RAB33A: variants seen among roughly 807,000 people sequenced by gnomAD.
RAB33A encodes the protein ras-related protein Rab-33A.
In RAB33A, 6 loss-of-function variants were observed where a neutral mutation model predicts 12.0. The observed-to-expected ratio is 0.50, with a 90% CI of 0.27 to 0.99. The LOEUF (loss-of-function observed/expected upper bound fraction) is 0.99, where lower values mean the gene tolerates loss of function less well. Ranked by LOEUF, RAB33A falls within the 50% of genes least tolerant of loss-of-function variation. The pLI, the probability that RAB33A is intolerant of heterozygous loss-of-function variation, is 0.11. For missense variants in RAB33A, 109 were observed against 192.0 expected, an observed-to-expected ratio of 0.57 and a Z score of 2.55; for synonymous variants, 70 against 82.4, an observed-to-expected ratio of 0.85 and a Z score of 0.81.
the RAB33A span, among the ~76,000 whole-genome samples, chrX:130,151,089 A>G: frequency 1.6e-4 from 18 of 109,690 alleles, no homozygotes; most frequent in African/African-American, 5.6e-4. Context: ...GAAATCTCAG[A>G]TTAATTGTAG....
chrX:130,184,743 C>A lies in RAB33A; in HGVS notation c.*3C>A, dbSNP rs749729915. 8.3e-7 allele frequency: 1 copy of A among 1,200,019 alleles called. No individual in the cohort carries two copies. Among genetic ancestry groups the A allele is most frequent in the African/African-American group, 1.8e-5 (1 of 57,004 alleles). Reference sequence around the variant, plus strand: ...GTAAAACTTCCTGTCCTTGTTGAAACCAAACGATATAAATACAAGATAAAT... The same window carrying A: ...GTAAAACTTCCTGTCCTTGTTGAAAACAAACGATATAAATACAAGATAAAT... On this transcript the variant is annotated 3_prime_UTR_variant, in exon 2 of 2. Transcript: ENST00000257017.
chrX:130,145,746 T>G, the RAB33A span, among the ~76,000 whole-genome samples: 1 of 112,100 alleles, frequency 8.9e-6, no homozygotes, highest in Non-Finnish European at 1.9e-5. Flanking sequence ...TCCAGATCAG[T>G]GGTTCTCAAC....
At chrX:130,175,061 C>T (rs1004181530) in intron 1 of RAB33A, among the ~76,000 whole-genome samples, 2 of 111,707 alleles carry the variant, frequency 1.8e-5, no homozygotes, top group African/African-American at 6.5e-5. Flanking sequence ...AGGCACTTTA[C>T]ATGCATTATC....
At chrX:130,114,900 C>T in the RAB33A span, among the ~76,000 whole-genome samples, 1 of 111,911 alleles carries the variant, frequency 8.9e-6, no homozygotes, top group Non-Finnish European at 1.9e-5. Context: ...CTCCTGGGCT[C>T]AAGCGATCCT....
chrX:130,115,940 T>C, the RAB33A span, among the ~76,000 whole-genome samples: 1 of 110,704 alleles, frequency 9.0e-6, no homozygotes. Context: ...AGGCCATGGG[T>C]ATCCAAGTGG....
At chrX:130,170,131 G>A (rs1437720333), upstream of RAB33A, among the ~76,000 whole-genome samples, 1 of 112,383 alleles carries the variant, frequency 8.9e-6, no homozygotes, top group East Asian at 2.8e-4. Flanking sequence ...AGAAATGGGC[G>A]ACCCACATAT....
At chrX:130,146,456 TG>T in the RAB33A span, among the ~76,000 whole-genome samples, 1 of 65,170 alleles carries the variant, frequency 1.5e-5, no homozygotes, top group Non-Finnish European at 2.5e-5. Flanking sequence ...AAAATATGTG[TG>T]TGTGTGTGTG....
chrX:130,147,877 C>A, the RAB33A span: 1 of 1,211,485 alleles, frequency 8.3e-7, no homozygotes, highest in Middle Eastern at 2.3e-4. Flanking sequence ...CCTTCTGAAG[C>A]TGAAAGCAAC....
the RAB33A span, among the ~76,000 whole-genome samples, chrX:130,124,669 G>A: frequency 8.9e-6 from 1 of 112,521 alleles, no homozygotes; most frequent in Non-Finnish European, 1.9e-5. Context: ...CCAGGAACAC[G>A]GTCAAACAAG....
the RAB33A span, among the ~76,000 whole-genome samples, chrX:130,117,336 G>C: frequency 8.9e-6 from 1 of 112,834 alleles, no homozygotes; most frequent in African/African-American, 3.2e-5. Context: ...CAGCTCAGGA[G>C]GGCTGGCTGC....
At chrX:130,115,072 G>A in the RAB33A span, among the ~76,000 whole-genome samples, 105 of 111,124 alleles carry the variant, frequency 9.4e-4, no homozygotes, top group African/African-American at 3.0e-3. Context: ...CCAAAGTGTC[G>A]GGATTACAAA....
At chrX:130,161,676 C>T in the RAB33A span, among the ~76,000 whole-genome samples, 3 of 100,122 alleles carry the variant, frequency 3.0e-5, no homozygotes, top group Non-Finnish European at 6.0e-5. Context: ...GGTGTGATCT[C>T]GGTTCACCGC....
the RAB33A span, among the ~76,000 whole-genome samples, chrX:130,123,807 T>TGTGTA: frequency 9.2e-6 from 1 of 108,791 alleles, no homozygotes; most frequent in Non-Finnish European, 1.9e-5. Flanking sequence ...AAGAGGAAGA[T>TGTGTA]GTGTAATCTC....
the RAB33A span, chrX:130,165,706 G>A: frequency 7.6e-6 from 8 of 1,049,604 alleles, no homozygotes; most frequent in East Asian, 3.3e-5. Context: ...TCTCACGCAC[G>A]ACCGACGGGT....
the RAB33A span, chrX:130,138,466 A>T: frequency 1.1e-5 from 6 of 548,983 alleles, no homozygotes; most frequent in East Asian, 3.6e-5. Context: ...CTCCATCTCA[A>T]AAAAAAATAA....
Position 130,175,492 on chromosome X carries a change from C to CTTTT in RAB33A, c.258+3190_258+3193dup, listed in dbSNP as rs5903795. Among the ~76,000 whole-genome samples, 5 of 75,563 alleles carry CTTTT rather than the reference C, an allele frequency of 6.6e-5. No individual in the cohort carries two copies. The South Asian group carries it at 2.0e-3, about 31-fold the overall frequency. 65.6% of individuals were successfully genotyped at this position (75,563 alleles called of 115,157 possible). The stretch of plus-strand genomic sequence containing the variant: ...GACACACAGAACTCAACTGGGTTTA[C>CTTTT]TTTTTTTTTTTTTTTTTTTTTGAGA... On this transcript the variant is annotated intron_variant, in intron 1 of 1. Coordinates refer to ENST00000257017, the MANE Select transcript of RAB33A (RefSeq NM_004794.3).
At chrX:130,149,004 C>T in the RAB33A span, among the ~76,000 whole-genome samples, 2 of 103,035 alleles carry the variant, frequency 1.9e-5, no homozygotes, top group East Asian at 3.1e-4. Flanking sequence ...TCACTGCAAC[C>T]TCCGCCACTT....
the RAB33A span, chrX:130,129,218 A>G: frequency 3.2e-3 from 906 of 283,781 alleles, 5 homozygotes; most frequent in South Asian, 0.019. Flanking sequence ...AAGTTCGGAA[A>G]TGAAAGGAGT....
the RAB33A span, among the ~76,000 whole-genome samples, chrX:130,160,921 G>GA: frequency 9.4e-6 from 1 of 106,059 alleles, no homozygotes; most frequent in Non-Finnish European, 1.9e-5. Flanking sequence ...TAAATAAAAT[G>GA]AAAAAATAAA....
Sources: allele counts gnomAD v4.1 joint callset (sites outside exome capture counted in the v4.1 genomes callset), GRCh38; gene constraint gnomAD v4.1.1; transcripts MANE v1.5; gene names NCBI Gene and HGNC (gene_info 2026-07-23, HGNC 2026-07-21).